Variants in RXFP1 observed in about 807,000 individuals in gnomAD.
RXFP1 encodes relaxin receptor 1.
Under a neutral mutation model 89.8 loss-of-function variants are expected in RXFP1, and 73 were observed. The observed-to-expected ratio is 0.81, with a 90% CI of 0.67 to 0.99. The LOEUF (loss-of-function observed/expected upper bound fraction) is 0.99, where lower values mean the gene tolerates loss of function less well. Among genes scored for constraint, RXFP1 ranks in the 50% least tolerant of loss-of-function variants. The pLI, the probability that RXFP1 is intolerant of heterozygous loss-of-function variation, is 0.00. For synonymous variants in RXFP1, 277 were observed against 305.5 expected, an observed-to-expected ratio of 0.91 and a Z score of 0.97; for missense variants, 793 against 895.5, an observed-to-expected ratio of 0.89 and a Z score of 1.46.
chr4:158,546,774 C>T (rs1222378004), intron 1 of RXFP1, among the ~76,000 whole-genome samples: 1 of 151,918 alleles, frequency 6.6e-6, no homozygotes, highest in Non-Finnish European at 1.5e-5. Context: ...TATGTTGAAC[C>T]AGCCTTGCAT....
intron 6 of RXFP1, 85 bp downstream of exon 6, chr4:158,608,128 A>G: frequency 3.5e-6 from 3 of 864,960 alleles, no homozygotes; most frequent in Non-Finnish European, 5.6e-6. Context: ...CTCCCTGTCC[A>G]TGACAGTACC....
intron 11 of RXFP1, among the ~76,000 whole-genome samples, chr4:158,630,298 C>T (rs1767780258): frequency 6.6e-6 from 1 of 152,168 alleles, no homozygotes; most frequent in Non-Finnish European, 1.5e-5. Flanking sequence ...CAAATAGACC[C>T]AACCATCTGT....
intron 1 of RXFP1, among the ~76,000 whole-genome samples, chr4:158,538,804 CAAAAA>C (rs10603295): frequency 7.1e-5 from 6 of 85,062 alleles, no homozygotes; most frequent in African/African-American, 9.9e-5. Context: ...AATGCCGTCT[CAAAAA>C]AAAAAAAAAA....
chr4:158,599,115 C>A, intron 3 of RXFP1: 1 of 624,762 alleles, frequency 1.6e-6, no homozygotes, highest in Admixed American at 3.0e-5. Flanking sequence ...GTGTGTGTTT[C>A]CAAATGTTGA....
chr4:158,619,939 C>G (rs1260441235), intron 9 of RXFP1, among the ~76,000 whole-genome samples: 1 of 152,126 alleles, frequency 6.6e-6, no homozygotes, highest in African/African-American at 2.4e-5. Flanking sequence ...GAAGGGGGAA[C>G]AGCAAAGCTG....
At chr4:158,646,427 C>T (rs1453775553) in intron 15 of RXFP1, 4 of 1,165,834 alleles carry the variant, frequency 3.4e-6, no homozygotes, top group Non-Finnish European at 4.5e-6. Flanking sequence ...CAAGTAATGC[C>T]ATCCTCATCT....
chr4:158,561,040 A>T (rs535621075), intron 1 of RXFP1, among the ~76,000 whole-genome samples: 1 of 152,354 alleles, frequency 6.6e-6, no homozygotes, highest in African/African-American at 2.4e-5. Flanking sequence ...ACAAATTCAA[A>T]AACCGTGTTT....
chr4:158,581,455 C>T (rs528488043), intron 2 of RXFP1, among the ~76,000 whole-genome samples: 2 of 152,160 alleles, frequency 1.3e-5, no homozygotes, highest in Non-Finnish European at 2.9e-5. Context: ...TCAAACAAAT[C>T]TCTTATTGAT....
intron 1 of RXFP1, among the ~76,000 whole-genome samples, chr4:158,523,751 C>T (rs1263563318): frequency 6.6e-6 from 1 of 152,174 alleles, no homozygotes; most frequent in Non-Finnish European, 1.5e-5. Flanking sequence ...CACCCACAGC[C>T]GTGGCTCACC....
chr4:158,555,651 A>G (rs557104030), intron 1 of RXFP1, among the ~76,000 whole-genome samples: 1 of 152,356 alleles, frequency 6.6e-6, no homozygotes, highest in African/African-American at 2.4e-5. Flanking sequence ...CTTAGAAAAA[A>G]GATTCCACTG....
chr4:158,595,762 C>T (rs907293423), intron 3 of RXFP1, among the ~76,000 whole-genome samples: 3 of 152,112 alleles, frequency 2.0e-5, no homozygotes, highest in Admixed American at 6.5e-5. Context: ...AGGGGATAGA[C>T]GTCACTCTTG....
intron 2 of RXFP1, among the ~76,000 whole-genome samples, chr4:158,584,172 T>C (rs1757868717): frequency 6.6e-6 from 1 of 152,186 alleles, no homozygotes; most frequent in South Asian, 2.1e-4. Flanking sequence ...TGGTGGCTCA[T>C]GCCTGTAATC....
intron 13 of RXFP1, 135 bp downstream of exon 13, chr4:158,638,214 G>A (rs2150229496): frequency 3.7e-6 from 2 of 542,212 alleles, no homozygotes; most frequent in South Asian, 5.9e-5. Context: ...AAAACATATG[G>A]GTGCTTGCTG....
chr4:158,542,109 A>ATATAT, intron 1 of RXFP1, among the ~76,000 whole-genome samples: 6 of 35,254 alleles, frequency 1.7e-4, no homozygotes, highest in African/African-American at 5.6e-4. Flanking sequence ...ATATATATAT[A>ATATAT]TTTTTTTTTT....
At chr4:158,651,514 G>A (rs1311875345) in intron 17 of RXFP1, among the ~76,000 whole-genome samples, 1 of 152,132 alleles carries the variant, frequency 6.6e-6, no homozygotes, top group African/African-American at 2.4e-5. Flanking sequence ...TTTTGTTAGT[G>A]TATTCAAGAA....
intron 1 of RXFP1, among the ~76,000 whole-genome samples, chr4:158,539,894 G>A (rs1333421126): frequency 6.6e-6 from 1 of 152,172 alleles, no homozygotes; most frequent in Non-Finnish European, 1.5e-5. Context: ...TAAACACACA[G>A]GTGGAGTGGA....
intron 2 of RXFP1, among the ~76,000 whole-genome samples, chr4:158,573,898 C>T (rs1180844001): frequency 2.0e-5 from 3 of 152,136 alleles, no homozygotes; most frequent in South Asian, 2.1e-4. Context: ...TGCTGTTGCC[C>T]TTTCTTATCT....
Position 158,652,334 on chromosome 4 carries a change from C to G in RXFP1, c.*279C>G, listed in dbSNP as rs982702733. The stretch of plus-strand genomic sequence containing the variant: ...TTCTAACATGCATTTATTGAGTACC[C>G]ACTACTATGTGCATAGCATTGCAAT... On this transcript the variant is annotated 3_prime_UTR_variant, in exon 18 of 18. Transcript: ENST00000307765. 2.5e-5 allele frequency: 8 copies of G among 321,984 alleles called. No homozygotes were observed. Among genetic ancestry groups the G allele is most frequent in the African/African-American group, 1.5e-4 (7 of 46,162 alleles). The allele number at this position is 321,984 out of a possible 1,614,324, so 19.9% of individuals were successfully genotyped here.
chr4:158,568,755 C>A (rs1363720177), intron 1 of RXFP1, among the ~76,000 whole-genome samples: 3 of 152,188 alleles, frequency 2.0e-5, no homozygotes, highest in Admixed American at 2.0e-4. Context: ...TGACTACGTA[C>A]AAAGCCTTTC....
Sources: gnomAD v4.1 joint callset for allele counts (sites outside exome capture counted in the v4.1 genomes callset) on GRCh38, gnomAD v4.1.1 for gene constraint, MANE v1.5 for transcripts, NCBI Gene and HGNC (gene_info 2026-07-23, HGNC 2026-07-21) for gene names.